Variants in WASHC5 observed in about 807,000 individuals in gnomAD.
WASHC5 encodes the protein WASH complex subunit 5, also known as WASH complex subunit strumpellin.
A neutral mutation model predicts 150.4 loss-of-function variants in WASHC5; 101 were observed. The ratio of observed to expected loss-of-function variants is 0.67; its 90% CI spans 0.57 to 0.79. The LOEUF (loss-of-function observed/expected upper bound fraction) is 0.79, where lower values mean the gene tolerates loss of function less well. Among genes scored for constraint, WASHC5 ranks in the 30% least tolerant of loss-of-function variants. The pLI is 0.00. For missense variants in WASHC5, 1,195 were observed against 1,396.3 expected (o/e 0.86, Z 2.30); for synonymous variants, 467 against 491.2 (o/e 0.95, Z 0.65).
In WASHC5 at chr8:125,059,552, A is replaced by T. The variant is rs200283018; in HGVS notation, c.1522-10T>A. 103 of 1,609,700 alleles carry T rather than the reference A, an allele frequency of 6.4e-5. No individual in the cohort carries two copies. The highest frequency in any genetic ancestry group is 3.8e-5 in the Non-Finnish European group (45 of 1,176,658). On this transcript the variant is annotated splice_polypyrimidine_tract_variant and intron_variant, in intron 12 of 28. Transcript: ENST00000318410. ...GGTGGAATTCTTGAACCTGTGTTAC[A>T]GAAATATACTTAATTTAAAAATCCT...
In WASHC5 at chr8:125,078,553, T is replaced by C. The variant is rs2033131; in HGVS notation, c.711+185A>G. ...CAAATTCCATCTTCTCCCTGAAATA[T>C]ATGATTCTGGCAAAATTAATAACCC... On this transcript the variant is annotated intron_variant, in intron 6 of 28. Transcript: ENST00000318410. Among the ~76,000 whole-genome samples, 4,133 of 152,288 alleles carry C rather than the reference T, an allele frequency of 0.027. 204 individuals carry two copies. The highest frequency in any genetic ancestry group is 0.095 in the African/African-American group (3,962 of 41,538).
At chr8:125,079,540 T>C (rs1221457926) in intron 5 of WASHC5, among the ~76,000 whole-genome samples, 1 of 152,098 alleles carries the variant, frequency 6.6e-6, no homozygotes, top group Non-Finnish European at 1.5e-5. Context: ...ATTCATACTA[T>C]GTAAAGGTCC....
intron 18 of WASHC5, 135 bp downstream of exon 18, chr8:125,050,429 T>C: frequency 1.8e-6 from 1 of 561,914 alleles, no homozygotes. Context: ...ATCAGTTGTT[T>C]GTGTTGAAAA....
Position 125,024,438 on chromosome 8 carries a change from T to C in WASHC5, c.*179A>G. The stretch of plus-strand genomic sequence containing the variant: ...GCATGTAATACCATGATTTAAACAA[T>C]ATCAGTTATATTAACTAATGCCATG... On this transcript the variant is annotated 3_prime_UTR_variant, in exon 29 of 29. Transcript: ENST00000318410. 1 of 647,746 alleles carries C rather than the reference T, an allele frequency of 1.5e-6. No individual in the cohort carries two copies. The highest frequency in any genetic ancestry group is 1.8e-5 in the South Asian group (1 of 55,206). The allele number at this position is 647,746 out of a possible 1,614,324, so 40.1% of individuals were successfully genotyped here.
intron 26 of WASHC5, among the ~76,000 whole-genome samples, chr8:125,033,336 C>G (rs1815595935): frequency 6.6e-6 from 1 of 151,932 alleles, no homozygotes; most frequent in African/African-American, 2.4e-5. Context: ...TGAATAGTCA[C>G]AAATATACCA....
intron 23 of WASHC5, among the ~76,000 whole-genome samples, chr8:125,043,475 C>T (rs1815955904): frequency 1.3e-5 from 2 of 152,132 alleles, no homozygotes; most frequent in South Asian, 4.1e-4. Flanking sequence ...CAGCTTGGAG[C>T]AGATGAGGTG....
chr8:125,089,412 A>G (rs1279757434), intron 1 of WASHC5, among the ~76,000 whole-genome samples: 4 of 152,198 alleles, frequency 2.6e-5, no homozygotes, highest in Admixed American at 2.6e-4. Context: ...AAAATCGCAA[A>G]AAAATCTCAT....
In WASHC5 at chr8:125,076,344, T is replaced by C. The variant is rs760261992; in HGVS notation, c.864+4A>G. On this transcript the variant is annotated splice_donor_region_variant and intron_variant, in intron 7 of 28. Coordinates refer to ENST00000318410, the MANE Select transcript of WASHC5 (RefSeq NM_014846.4). ...TGTAGAGGAAAAAAATTAGCAATAC[T>C]TGCCCAATTATCTGGAAAGTATTTA... 16 of 1,613,720 alleles carry C rather than the reference T, an allele frequency of 9.9e-6. No homozygotes were observed. Among genetic ancestry groups the C allele is most frequent in the Admixed American group, 1.7e-5 (1 of 59,992 alleles).
chr8:125,030,325 C>T (rs572293347), intron 27 of WASHC5, among the ~76,000 whole-genome samples: 9 of 152,270 alleles, frequency 5.9e-5, no homozygotes, highest in South Asian at 2.1e-4. Context: ...GACCTCACTT[C>T]GTGATTGTTA....
chr8:125,079,135 T>TATATACATATAC (rs1554597078), intron 5 of WASHC5, among the ~76,000 whole-genome samples: 2 of 117,492 alleles, frequency 1.7e-5, no homozygotes, highest in Non-Finnish European at 3.3e-5. Flanking sequence ...TATATATATA[T>TATATACATATAC]ATATACATTT....
At chr8:125,048,196 T>C (rs561367561) in intron 19 of WASHC5, among the ~76,000 whole-genome samples, 1 of 152,204 alleles carries the variant, frequency 6.6e-6, no homozygotes, top group East Asian at 1.9e-4. Context: ...CATGCATCCA[T>C]GTAATATAAA....
intron 27 of WASHC5, 97 bp from the exon 28 acceptor site, chr8:125,028,804 A>C: frequency 1.2e-6 from 1 of 805,952 alleles, no homozygotes; most frequent in African/African-American, 1.7e-5. Flanking sequence ...CAGATTACCT[A>C]ATGAAGTCAA....
At chr8:125,082,861 A>G (rs1053221157) in intron 3 of WASHC5, 3 of 400,812 alleles carry the variant, frequency 7.5e-6, no homozygotes, top group African/African-American at 4.1e-5. Context: ...ATGATAATAA[A>G]TAACAGGATT....
intron 28 of WASHC5, among the ~76,000 whole-genome samples, chr8:125,027,546 C>T (rs1390280911): frequency 1.3e-5 from 2 of 152,174 alleles, no homozygotes; most frequent in Admixed American, 6.5e-5. Context: ...TATATTCCTA[C>T]TGATATGTGG....
At position 125,032,355 on chromosome 8, in the gene WASHC5, G is replaced by A. The variant is rs767030687; in HGVS notation, c.3221C>T (p.Pro1074Leu). 6 of 1,614,070 alleles carry A rather than the reference G, an allele frequency of 3.7e-6. No homozygotes were observed. The East Asian group carries it at 8.9e-5, about 24-fold the overall frequency. ...AGTGAGCAGTCCCAGGACAAGTGGT[G>A]GCCAATCAACCGGGTCGGTCGGTTT... is the stretch of plus-strand genomic sequence containing the variant. ...CRKPTDPVDWPPLVLGLLTLL... is the reference protein window; with the variant it reads ...CRKPTDPVDWLPLVLGLLTLL... The change falls in exon 27 of 29, where the codon CCA becomes CTA. Residue 1074 changes from proline to leucine, a missense_variant. Coordinates refer to ENST00000318410, the MANE Select transcript of WASHC5 (RefSeq NM_014846.4).
chr8:125,032,879 A>G (rs777655905), intron 26 of WASHC5, among the ~76,000 whole-genome samples: 2 of 151,702 alleles, frequency 1.3e-5, no homozygotes, highest in African/African-American at 4.9e-5. Context: ...TGGAAGAAGG[A>G]TATTTATGAA....
chr8:125,081,865 A>G (rs968056469), intron 4 of WASHC5, 104 bp from the exon 5 acceptor site: 7 of 759,522 alleles, frequency 9.2e-6, no homozygotes, highest in Admixed American at 2.0e-5. Flanking sequence ...CTTCTTCAAA[A>G]AGTTTTAGAT....
chr8:125,037,650 C>A (rs928313693), intron 25 of WASHC5, among the ~76,000 whole-genome samples: 5 of 150,734 alleles, frequency 3.3e-5, no homozygotes, highest in African/African-American at 2.5e-5. Context: ...GAGGGGAAGG[C>A]AAAATGAAGA....
At chr8:125,036,937 T>C (rs1190507428) in intron 26 of WASHC5, among the ~76,000 whole-genome samples, 1 of 152,098 alleles carries the variant, frequency 6.6e-6, no homozygotes, top group Non-Finnish European at 1.5e-5. Flanking sequence ...CGCTTGAACC[T>C]GCGAGGCAGA....
Sources: gnomAD v4.1 joint callset for allele counts (sites outside exome capture counted in the v4.1 genomes callset) on GRCh38, gnomAD v4.1.1 for gene constraint, MANE v1.5 for transcripts, NCBI Gene and HGNC (gene_info 2026-07-23, HGNC 2026-07-21) for gene names.